The following TRAF5 variants were observed in gnomAD, a reference collection of about 807,000 sequenced individuals.
TRAF5 encodes TNF receptor associated factor 5.
In TRAF5, 48 loss-of-function variants were observed where a neutral mutation model predicts 64.5. The ratio of observed to expected loss-of-function variants is 0.74; its 90% CI spans 0.59 to 0.95. The LOEUF (loss-of-function observed/expected upper bound fraction) is 0.95. Ranked by LOEUF, TRAF5 falls within the 40% of genes least tolerant of loss-of-function variation. The pLI is 0.00. For missense variants in TRAF5, 545 were observed against 662.8 expected (o/e 0.82, Z 1.95); for synonymous variants, 206 against 240.5 (o/e 0.86, Z 1.33).
At chr1:211,347,914 A>G (rs1366149305) in intron 1 of TRAF5, among the ~76,000 whole-genome samples, 2 of 152,234 alleles carry the variant, frequency 1.3e-5, no homozygotes, top group East Asian at 1.9e-4. Flanking sequence ...GAAATTAGCC[A>G]TAGTGGAAGT....
chr1:211,356,071 C>T (rs1010629066), intron 3 of TRAF5, among the ~76,000 whole-genome samples: 3 of 152,216 alleles, frequency 2.0e-5, no homozygotes, highest in Admixed American at 6.5e-5. Context: ...CTTGGCCAAG[C>T]TTCACCTCCT....
intron 7 of TRAF5, among the ~76,000 whole-genome samples, chr1:211,362,936 T>A (rs1703233486): frequency 6.6e-6 from 1 of 152,090 alleles, no homozygotes; most frequent in Non-Finnish European, 1.5e-5. Context: ...CTACTCAACT[T>A]AATGGAAAAA....
chr1:211,349,784 G>A (rs887983374), intron 1 of TRAF5, among the ~76,000 whole-genome samples: 1 of 152,142 alleles, frequency 6.6e-6, no homozygotes, highest in South Asian at 2.1e-4. Flanking sequence ...CCTTATTCTG[G>A]GGACTGAATG....
rs559786301 is a variant in TRAF5, at chr1:211,362,712, A to G, written c.696+1550A>G. Among the ~76,000 whole-genome samples, 23 of 152,178 alleles carry G rather than the reference A, an allele frequency of 1.5e-4. No homozygotes were observed. The South Asian group carries it at 4.8e-3, about 32-fold the overall frequency. On this transcript the variant is annotated intron_variant, in intron 7 of 10. Transcript: ENST00000261464. The stretch of plus-strand genomic sequence containing the variant: ...AAACGAAAAAACCCCCCCAACAACA[A>G]CAAAAGCCCTTTCTTAAATGACTAA...
intron 7 of TRAF5, among the ~76,000 whole-genome samples, chr1:211,361,541 G>A (rs974660651): frequency 2.0e-5 from 3 of 151,908 alleles, no homozygotes; most frequent in African/African-American, 7.3e-5. Flanking sequence ...CACTATGGAG[G>A]GTAATCTGCT....
rs1016408558 is a variant in TRAF5 at position 211,365,321 on chromosome 1, C to T, written c.697-55C>T. On this transcript the variant is annotated intron_variant, in intron 7 of 10. Coordinates refer to ENST00000261464, the MANE Select transcript of TRAF5 (RefSeq NM_001033910.3). ...ATTTTAGCAGAATATCCTACCACCTCTTTCATTTTTGGAGCCTCTCAGCAA... is the reference window on the plus strand; with the variant it reads ...ATTTTAGCAGAATATCCTACCACCTTTTTCATTTTTGGAGCCTCTCAGCAA... 4.8e-6 allele frequency: 7 copies of T among 1,454,746 alleles called. No individual in the cohort carries two copies. In the African/African-American group the frequency reaches 8.5e-5, roughly 18 times the overall value. The allele number at this position is 1,454,746 out of a possible 1,614,324, so 90.1% of individuals were successfully genotyped here.
intron 1 of TRAF5, among the ~76,000 whole-genome samples, chr1:211,335,435 T>C (rs1476856404): frequency 6.6e-6 from 1 of 152,230 alleles, no homozygotes; most frequent in Non-Finnish European, 1.5e-5. Context: ...GAGTGCTTGC[T>C]CTGCGTCTGC....
intron 8 of TRAF5, 139 bp from the exon 9 acceptor site, chr1:211,369,313 C>T: frequency 1.3e-6 from 1 of 787,078 alleles, no homozygotes; most frequent in Non-Finnish European, 1.9e-6. Flanking sequence ...AGGAATCTAC[C>T]CTGTAAATAT....
chr1:211,353,123 A>G (rs1231441817), intron 1 of TRAF5, 116 bp from the exon 2 acceptor site: 1 of 1,041,068 alleles, frequency 9.6e-7, no homozygotes. Context: ...TCACAACAGA[A>G]TGACCATGTG....
At chr1:211,347,113 A>G (rs1702634841) in intron 1 of TRAF5, among the ~76,000 whole-genome samples, 1 of 152,116 alleles carries the variant, frequency 6.6e-6, no homozygotes, top group African/African-American at 2.4e-5. Context: ...CTGACTTGCA[A>G]GAACTGAGCT....
chr1:211,356,357 T>C lies in TRAF5; in HGVS notation c.277-10T>C. 6.2e-7 allele frequency: 1 copy of C among 1,609,180 alleles called. No homozygotes were observed. Among genetic ancestry groups the C allele is most frequent in the Non-Finnish European group, 8.5e-7 (1 of 1,175,616 alleles). ...TGAAGTGTGTGAGACCTATTATGTT[T>C]ATCTTTTAGGTTTTTAAAGACAATT... On this transcript the variant is annotated splice_polypyrimidine_tract_variant and intron_variant, in intron 3 of 10. Coordinates refer to ENST00000261464, the MANE Select transcript of TRAF5 (RefSeq NM_001033910.3).
chr1:211,352,190 G>A (rs552835206), intron 1 of TRAF5, among the ~76,000 whole-genome samples: 21 of 152,178 alleles, frequency 1.4e-4, no homozygotes, highest in African/African-American at 4.6e-4. Context: ...GGCTGCAGAC[G>A]CCTCACAATC....
chr1:211,326,921 C>A lies in TRAF5; in HGVS notation c.-2+32C>A. 1.0e-6 allele frequency: 1 copy of A among 985,000 alleles called. No individual in the cohort carries two copies. Among genetic ancestry groups the A allele is most frequent in the South Asian group, 4.5e-5 (1 of 21,994 alleles). The allele number at this position is 985,000 out of a possible 1,614,324, so 61.0% of individuals were successfully genotyped here. ...CCGGCGGGTCGCCGCCCTGGGCACC[C>A]TCGCGACGGAAGGGCCGGGGTGGGG... On this transcript the variant is annotated intron_variant, in intron 1 of 10. Transcript: ENST00000261464. This position sits in a 1 kb window ranked among gnomAD's most constrained non-coding sequence, Gnocchi z 5.0.
chr1:211,371,155 C>A, intron 9 of TRAF5, 147 bp from the exon 10 acceptor site: 1 of 739,968 alleles, frequency 1.4e-6, no homozygotes. Flanking sequence ...CTGTGATCCT[C>A]ATTGAATTTT....
At chr1:211,338,513 G>T (rs1223875522) in intron 1 of TRAF5, among the ~76,000 whole-genome samples, 1 of 152,190 alleles carries the variant, frequency 6.6e-6, no homozygotes, top group Non-Finnish European at 1.5e-5. Context: ...AGGAGGGCAG[G>T]GTGGAAATGC....
intron 1 of TRAF5, among the ~76,000 whole-genome samples, chr1:211,340,945 A>T (rs1323145828): frequency 2.0e-5 from 3 of 151,990 alleles, no homozygotes; most frequent in Non-Finnish European, 4.4e-5. Context: ...TGTCACCCCC[A>T]CGACCTGGTG....
rs762493310 is a variant in TRAF5 at position 211,354,375 on chromosome 1, A to G, written c.219-35A>G. ...CTTGGAAATGCTGTTGAGGTAAACA[A>G]CTAACTCTGGCTCCATTTTAATTTT... On this transcript the variant is annotated intron_variant, in intron 2 of 10. Transcript: ENST00000261464. 79 of 1,609,456 alleles carry G rather than the reference A, an allele frequency of 4.9e-5. 1 individual carries two copies. In the South Asian group the frequency reaches 8.4e-4, roughly 17 times the overall value.
intron 8 of TRAF5, among the ~76,000 whole-genome samples, chr1:211,366,802 C>T (rs17267554): frequency 0.12 from 18,951 of 152,176 alleles, 1,272 homozygotes; most frequent in South Asian, 0.19. Flanking sequence ...AGTGGCCTTC[C>T]GTGTAGCCTA....
chr1:211,361,828 C>T (rs1703195597), intron 7 of TRAF5, among the ~76,000 whole-genome samples: 1 of 150,462 alleles, frequency 6.6e-6, no homozygotes, highest in African/African-American at 2.4e-5. Context: ...TCCTGAGTAG[C>T]TGGGATTTCA....
Sources: gnomAD v4.1 joint callset for allele counts (sites outside exome capture counted in the v4.1 genomes callset) on GRCh38, gnomAD v4.1.1 for gene constraint, Gnocchi (gnomAD v3.1) non-coding constraint, MANE v1.5 for transcripts, NCBI Gene and HGNC (gene_info 2026-07-23, HGNC 2026-07-21) for gene names.